COL14A1: variants seen among roughly 807,000 people sequenced by gnomAD.
COL14A1 encodes collagen alpha-1(XIV) chain.
A neutral mutation model predicts 230.3 loss-of-function variants in COL14A1; 136 were observed. The observed-to-expected ratio is 0.59, with a 90% CI of 0.51 to 0.68. COL14A1 has a LOEUF of 0.68. Ranked by LOEUF, COL14A1 falls within the 30% of genes least tolerant of loss-of-function variation. The pLI, the probability that COL14A1 is intolerant of heterozygous loss-of-function variation, is 0.00. For synonymous variants in COL14A1, 792 were observed against 784.1 expected (o/e 1.01, Z -0.17); for missense variants, 1,976 against 2,215.8 (o/e 0.89, Z 2.17).
At chr8:120,156,898 A>G (rs1285709611) in intron 2 of COL14A1, among the ~76,000 whole-genome samples, 5 of 152,190 alleles carry the variant, frequency 3.3e-5, no homozygotes, top group African/African-American at 1.2e-4. Context: ...CCCCATGCCT[A>G]TGTAGGAGAA....
intron 24 of COL14A1, among the ~76,000 whole-genome samples, chr8:120,264,556 C>T (rs1819449228): frequency 6.6e-6 from 1 of 152,144 alleles, no homozygotes; most frequent in Admixed American, 6.6e-5. Flanking sequence ...AAGAGCTTTT[C>T]AACCCATATG....
At chr8:120,317,222 G>A (rs1821263843) in intron 40 of COL14A1, among the ~76,000 whole-genome samples, 1 of 152,172 alleles carries the variant, frequency 6.6e-6, no homozygotes, top group Non-Finnish European at 1.5e-5. Context: ...CAATTGACTT[G>A]AGCACCCACT....
intron 19 of COL14A1, among the ~76,000 whole-genome samples, chr8:120,232,452 G>A (rs1818304560): frequency 3.3e-5 from 5 of 152,148 alleles, no homozygotes; most frequent in Admixed American, 2.0e-4. Context: ...AGTGTGTAAT[G>A]TTCCCCTCCC....
chr8:120,266,914 C>A (rs761908617), intron 25 of COL14A1, 31 bp downstream of exon 25: 2 of 1,567,216 alleles, frequency 1.3e-6, no homozygotes, highest in South Asian at 2.2e-5. Context: ...TTATCTGATT[C>A]TAGGTTTAGG....
chr8:120,261,379 T>C (rs192933961), intron 23 of COL14A1, among the ~76,000 whole-genome samples: 44 of 152,366 alleles, frequency 2.9e-4, no homozygotes, highest in Non-Finnish European at 4.0e-4. Context: ...TATGAATTCC[T>C]TAGAATATTG....
intron 5 of COL14A1, among the ~76,000 whole-genome samples, chr8:120,191,203 C>T (rs1271877067): frequency 5.0e-5 from 7 of 139,936 alleles, no homozygotes; most frequent in Admixed American, 2.9e-4. Context: ...TTTCCCTCTA[C>T]ACACTGCTTT....
chr8:120,373,105 A>G lies in COL14A1; in HGVS notation c.*1874A>G, dbSNP rs1812216566. On this transcript the variant is annotated 3_prime_UTR_variant, in exon 48 of 48. Transcript: ENST00000297848. The stretch of plus-strand genomic sequence containing the variant: ...GATTTCCTAGTCCATGACATTTAAT[A>G]GTGAGTATAGAGTAGGATATTCTAT... Among the ~76,000 whole-genome samples, 1 of 152,182 alleles carries G rather than the reference A, an allele frequency of 6.6e-6. No individual in the cohort carries two copies. The highest frequency in any genetic ancestry group is 1.5e-5 in the Non-Finnish European group (1 of 68,034).
At chr8:120,124,787 C>A (rs959430887), upstream of COL14A1, among the ~76,000 whole-genome samples, 2 of 152,160 alleles carry the variant, frequency 1.3e-5, no homozygotes, top group Non-Finnish European at 2.9e-5. Context: ...CTCGAGACCT[C>A]CCAAAGAGAG....
At chr8:120,251,105 T>G (rs540279252) in intron 22 of COL14A1, among the ~76,000 whole-genome samples, 1 of 152,252 alleles carries the variant, frequency 6.6e-6, no homozygotes, top group African/African-American at 2.4e-5. Context: ...CACTGTAACT[T>G]TCACTCAACC....
rs1818129130 is a variant in COL14A1 at position 120,227,301 on chromosome 8, G to A, written c.2086G>A (p.Val696Ile). The A allele has an allele frequency of 1.9e-6, 3 of 1,613,992 alleles. No individual in the cohort carries two copies. Among genetic ancestry groups the A allele is most frequent in the Non-Finnish European group, 2.5e-6 (3 of 1,179,996 alleles). The change falls in exon 17 of 48, where the codon GTA (valine) becomes ATA (isoleucine). Residue 696 changes from valine to isoleucine, a missense_variant. Physicochemically the swap from Val to Ile is conservative, Grantham distance 29. Transcript: ENST00000297848. ...GTEYEVSLLA[V>I]LDDGSESEVV... ...GGAGTATGAAGTTTCACTATTGGCCGTACTTGATGATGGAAGCGAGAGTGA... is the reference window on the plus strand; with the variant it reads ...GGAGTATGAAGTTTCACTATTGGCCATACTTGATGATGGAAGCGAGAGTGA...
intron 46 of COL14A1, among the ~76,000 whole-genome samples, chr8:120,368,058 C>T (rs1324890992): frequency 6.6e-6 from 1 of 152,070 alleles, no homozygotes; most frequent in Non-Finnish European, 1.5e-5. Flanking sequence ...AACTGCAAGG[C>T]AGACACAAAA....
chr8:120,345,827 A>G (rs1822490519), intron 45 of COL14A1, among the ~76,000 whole-genome samples: 1 of 152,200 alleles, frequency 6.6e-6, no homozygotes, highest in Non-Finnish European at 1.5e-5. Flanking sequence ...ATTTGAGCTA[A>G]TGAAAGAAAG....
chr8:120,342,762 T>A (rs954681871), intron 44 of COL14A1, among the ~76,000 whole-genome samples: 2 of 152,142 alleles, frequency 1.3e-5, no homozygotes, highest in South Asian at 4.1e-4. Flanking sequence ...GTGGGTAGGA[T>A]TTTTTCTCAA....
intron 33 of COL14A1, among the ~76,000 whole-genome samples, chr8:120,286,916 A>C (rs73329051): frequency 0.02 from 3,108 of 152,278 alleles, 110 homozygotes; most frequent in African/African-American, 0.07. Context: ...ACATCTACCA[A>C]CATCTACTGC....
At chr8:120,140,431 T>C (rs1814864317) in intron 1 of COL14A1, among the ~76,000 whole-genome samples, 1 of 152,222 alleles carries the variant, frequency 6.6e-6, no homozygotes, top group African/African-American at 2.4e-5. Flanking sequence ...GCTTTGGTTA[T>C]ATAGTAGGAC....
At chr8:120,214,841 T>C (rs1356615816) in intron 13 of COL14A1, among the ~76,000 whole-genome samples, 1 of 151,954 alleles carries the variant, frequency 6.6e-6, no homozygotes, top group African/African-American at 2.4e-5. Context: ...CGTAAGATGA[T>C]CATAGAAAGC....
intron 33 of COL14A1, 41 bp downstream of exon 33, chr8:120,286,011 G>C: frequency 1.7e-6 from 2 of 1,157,058 alleles, no homozygotes; most frequent in Non-Finnish European, 2.6e-6. Flanking sequence ...TATTCTATTT[G>C]CTATTGAACA....
intron 18 of COL14A1, 49 bp downstream of exon 18, chr8:120,228,818 A>G (rs756863123): frequency 6.8e-7 from 1 of 1,468,982 alleles, no homozygotes; most frequent in Non-Finnish European, 9.5e-7. Context: ...TTTTCTTTAA[A>G]CAGATGTTAT....
chr8:120,287,356 C>G lies in COL14A1; in HGVS notation c.4077+1386C>G, dbSNP rs879724654. Among the ~76,000 whole-genome samples the G allele has an allele frequency of 3.3e-5, 5 of 152,130 alleles. No individual in the cohort carries two copies. The East Asian group carries it at 9.6e-4, about 29-fold the overall frequency. On this transcript the variant is annotated intron_variant, in intron 33 of 47. Transcript: ENST00000297848. ...GTGGTCCCATTAGCAGCTCTTAGGA[C>G]TTAACATTGTTTACTCACCAAATTC...
Sources: allele counts gnomAD v4.1 joint callset (sites outside exome capture counted in the v4.1 genomes callset), GRCh38; gene constraint gnomAD v4.1.1; transcripts MANE v1.5; gene names NCBI Gene and HGNC (gene_info 2026-07-23, HGNC 2026-07-21).